Variants in IL1RAPL1 observed in about 807,000 individuals in gnomAD.
IL1RAPL1 encodes interleukin-1 receptor accessory protein-like 1.
A neutral mutation model predicts 48.4 loss-of-function variants in IL1RAPL1; 3 were observed. The ratio of observed to expected loss-of-function variants is 0.06; its 90% confidence interval spans 0.03 to 0.16. IL1RAPL1 has a LOEUF of 0.16. Among genes scored for constraint, IL1RAPL1 ranks in the 10% least tolerant of loss-of-function variants. The probability of loss-of-function intolerance (pLI) is 1.00; values close to 1 mark genes in which losing one functional copy is unlikely to be tolerated. For missense variants in IL1RAPL1, 349 were observed against 530.6 expected, an observed-to-expected ratio of 0.66 and a Z score of 3.36; for synonymous variants, 185 against 187.7, an observed-to-expected ratio of 0.99 and a Z score of 0.12.
At chrX:28,633,887 G>A (rs1001230661) in intron 1 of IL1RAPL1, among the ~76,000 whole-genome samples, 10 of 111,242 alleles carry the variant, frequency 9.0e-5, no homozygotes, top group Non-Finnish European at 3.8e-5. Flanking sequence ...TATATTTATG[G>A]GATGCAATGT....
At chrX:29,729,030 C>A (rs768315039) in intron 6 of IL1RAPL1, among the ~76,000 whole-genome samples, 1 of 111,819 alleles carries the variant, frequency 8.9e-6, no homozygotes, top group Non-Finnish European at 1.9e-5. Context: ...ACCTGTCAGT[C>A]TATTAAATCC....
chrX:29,308,704 T>G (rs1180343187), intron 3 of IL1RAPL1, among the ~76,000 whole-genome samples: 4 of 112,463 alleles, frequency 3.6e-5, no homozygotes, highest in African/African-American at 1.3e-4. Flanking sequence ...TCTAATTTCT[T>G]AAGGATCTGT....
intron 2 of IL1RAPL1, among the ~76,000 whole-genome samples, chrX:28,890,542 TTTTG>T (rs773066138): frequency 1.7e-4 from 19 of 112,056 alleles, no homozygotes; most frequent in Admixed American, 3.8e-4. Flanking sequence ...TTGGAAAAAC[TTTTG>T]TTTTTTTCTC....
intron 2 of IL1RAPL1, among the ~76,000 whole-genome samples, chrX:29,187,659 T>C (rs1378599662): frequency 4.3e-5 from 3 of 69,463 alleles, no homozygotes; most frequent in African/African-American, 8.4e-5. Context: ...GTACCTCTAC[T>C]TGCAAGACTT....
At chrX:29,236,276 A>G (rs751857165) in intron 2 of IL1RAPL1, among the ~76,000 whole-genome samples, 6 of 111,939 alleles carry the variant, frequency 5.4e-5, no homozygotes, top group African/African-American at 9.7e-5. Flanking sequence ...TAACTTCTTT[A>G]TGACCTTATT....
intron 1 of IL1RAPL1, among the ~76,000 whole-genome samples, chrX:28,784,406 G>C (rs1411748593): frequency 3.6e-5 from 4 of 111,573 alleles, no homozygotes; most frequent in Non-Finnish European, 7.5e-5. Flanking sequence ...GCCAGGAGTG[G>C]AAAGAAGGCA....
Position 28,666,136 on chromosome X carries a change from T to C in IL1RAPL1, c.-25+78089T>C, listed in dbSNP as rs1016766379. 1.1e-4 allele frequency among the ~76,000 whole-genome samples: 12 copies of C among 111,764 alleles called. No homozygotes were observed. The East Asian group carries it at 2.3e-3, about 21-fold the overall frequency. On this transcript the variant is annotated intron_variant, in intron 1 of 10. Coordinates refer to ENST00000378993, the MANE Select transcript of IL1RAPL1 (RefSeq NM_014271.4). ...AGCCCTTTTCTGGTCCCCACTAGGC[T>C]GTGGTACCCTCAGAAGTCGGAAGGC...
chrX:29,893,798 T>C lies in IL1RAPL1; in HGVS notation c.779-23666T>C, dbSNP rs549416174. 8.8e-4 allele frequency among the ~76,000 whole-genome samples: 98 copies of C among 111,559 alleles called. 1 individual carries two copies. Among genetic ancestry groups the C allele is most frequent in the South Asian group, 6.1e-3 (16 of 2,641 alleles). ...GATTTCAGATCCTATTTTCCATGAA[T>C]AGACACAGCCAGAGGGATTCCCTTC... On this transcript the variant is annotated intron_variant, in intron 6 of 10. Coordinates refer to ENST00000378993, the MANE Select transcript of IL1RAPL1 (RefSeq NM_014271.4).
intron 6 of IL1RAPL1, among the ~76,000 whole-genome samples, chrX:29,829,904 A>G (rs1416206748): frequency 8.9e-6 from 1 of 112,011 alleles, no homozygotes; most frequent in Non-Finnish European, 1.9e-5. Flanking sequence ...ATAAATTACA[A>G]TGGTTTGATC....
chrX:29,443,231 GCT>G lies in IL1RAPL1; in HGVS notation c.703+43950_703+43951del, dbSNP rs376805298. Among the ~76,000 whole-genome samples, 446 of 93,618 alleles carry G rather than the reference GCT, an allele frequency of 4.8e-3. 3 individuals are homozygous for G. Among genetic ancestry groups the G allele is most frequent in the African/African-American group, 8.9e-3 (227 of 25,508 alleles). The allele number at this position is 93,618 out of a possible 115,157, so 81.3% of individuals were successfully genotyped here. A position where few individuals can be genotyped will look rare whatever the true frequency, so the allele number is the denominator to read the frequency against. On this transcript the variant is annotated intron_variant, in intron 5 of 10. Transcript: ENST00000378993. ...GGAACTGAAGTGTGTGCTCTCGCTT[GCT>G]CTCTCTCTCTCTCTCTCTCTCTCTC...
intron 6 of IL1RAPL1, among the ~76,000 whole-genome samples, chrX:29,885,091 C>A (rs1932121170): frequency 9.0e-6 from 1 of 111,365 alleles, no homozygotes; most frequent in African/African-American, 3.3e-5. Context: ...GCCACAACAG[C>A]CCCACTGGCC....
At chrX:28,695,455 C>T (rs1006178168) in intron 1 of IL1RAPL1, among the ~76,000 whole-genome samples, 3 of 111,612 alleles carry the variant, frequency 2.7e-5, no homozygotes, top group Non-Finnish European at 5.7e-5. Flanking sequence ...ATACAAAAAT[C>T]TATATCCTCA....
chrX:29,373,609 ATGT>A (rs1380880339), intron 3 of IL1RAPL1, among the ~76,000 whole-genome samples: 1 of 110,195 alleles, frequency 9.1e-6, no homozygotes, highest in Non-Finnish European at 1.9e-5. Context: ...TAGTTCTTTG[ATGT>A]TGTTGTTGTT....
At chrX:28,711,751 TTTATATA>T (rs200408582) in intron 1 of IL1RAPL1, among the ~76,000 whole-genome samples, 6,706 of 106,818 alleles carry the variant, frequency 0.063, 422 homozygotes, top group East Asian at 0.32. Context: ...ATAATATACA[TTTATATA>T]TTATATATAT....
intron 2 of IL1RAPL1, among the ~76,000 whole-genome samples, chrX:29,152,121 G>A (rs761149100): frequency 9.0e-6 from 1 of 111,336 alleles, no homozygotes; most frequent in South Asian, 3.8e-4. Context: ...TTACATGGTG[G>A]CAGGCAGGAG....
At chrX:29,329,338 C>G (rs1313906908) in intron 3 of IL1RAPL1, among the ~76,000 whole-genome samples, 2 of 111,660 alleles carry the variant, frequency 1.8e-5, no homozygotes, top group African/African-American at 3.3e-5. Context: ...CCAGCAATTC[C>G]ACTCTTAGGT....
intron 2 of IL1RAPL1, among the ~76,000 whole-genome samples, chrX:29,262,007 G>A (rs938087796): frequency 9.0e-6 from 1 of 111,695 alleles, no homozygotes; most frequent in Non-Finnish European, 1.9e-5. Context: ...TATATGCCAT[G>A]CTAATCATGT....
At chrX:29,127,552 C>T (rs1048420379) in intron 2 of IL1RAPL1, among the ~76,000 whole-genome samples, 3 of 112,084 alleles carry the variant, frequency 2.7e-5, no homozygotes, top group Non-Finnish European at 5.6e-5. Context: ...CTCATCCACA[C>T]GTGTGGCTAC....
chrX:28,962,583 C>T (rs1286927528), intron 2 of IL1RAPL1, among the ~76,000 whole-genome samples: 2 of 110,249 alleles, frequency 1.8e-5, no homozygotes, highest in Non-Finnish European at 3.8e-5. Flanking sequence ...ATGTATTAAC[C>T]GACTGTAGAT....
Sources: allele counts gnomAD v4.1 joint callset (sites outside exome capture counted in the v4.1 genomes callset), GRCh38; gene constraint gnomAD v4.1.1; transcripts MANE v1.5; gene names NCBI Gene and HGNC (gene_info 2026-07-23, HGNC 2026-07-21).